FGL1: variants seen among roughly 807,000 people sequenced by gnomAD.
FGL1 encodes the protein fibrinogen-like protein 1.
A neutral mutation model predicts 43.7 loss-of-function variants in FGL1; 59 were observed. That is an observed-to-expected ratio of 1.35 (90% CI 1.10 to 1.68). The LOEUF is 1.68. Ranked by LOEUF, FGL1 falls within the 40% of genes most tolerant of loss-of-function variation. The pLI is 0.00. For missense variants in FGL1, 596 were observed against 373.0 expected (o/e 1.60, Z -4.92); for synonymous variants, 192 against 126.5 (o/e 1.52, Z -3.48).
intron 1 of FGL1, among the ~76,000 whole-genome samples, chr8:17,888,521 G>A (rs2131743563): frequency 1.3e-5 from 2 of 152,260 alleles, no homozygotes; most frequent in Middle Eastern, 3.4e-3. Context: ...ATTTCAAGTT[G>A]AAATAAGTAT....
At chr8:17,872,759 T>C (rs2053383389) in intron 5 of FGL1, among the ~76,000 whole-genome samples, 1 of 151,996 alleles carries the variant, frequency 6.6e-6, no homozygotes, top group South Asian at 2.1e-4. Context: ...CAAAAGAACA[T>C]GGGAGATAGA....
chr8:17,888,371 A>C (rs437266), intron 1 of FGL1, among the ~76,000 whole-genome samples: 101,051 of 151,916 alleles, frequency 0.67, 34,328 homozygotes, highest in Middle Eastern at 0.74. Context: ...TCTAGGTCAC[A>C]TTTATTATTG....
At chr8:17,894,475 G>A (rs2053748353) in intron 1 of FGL1, among the ~76,000 whole-genome samples, 1 of 147,036 alleles carries the variant, frequency 6.8e-6, no homozygotes, top group Non-Finnish European at 1.5e-5. Context: ...CTCACTGAAA[G>A]CCTTACAAAG....
intron 2 of FGL1, among the ~76,000 whole-genome samples, chr8:17,884,618 AT>A (rs1448438621): frequency 6.6e-6 from 1 of 152,194 alleles, no homozygotes; most frequent in Non-Finnish European, 1.5e-5. Context: ...CAGCAAGAAC[AT>A]TTTATGGTGT....
At chr8:17,864,813 C>G in intron 7 of FGL1, 62 bp from the exon 8 acceptor site, 2 of 1,300,286 alleles carry the variant, frequency 1.5e-6, no homozygotes, top group Non-Finnish European at 9.9e-7. Flanking sequence ...TGTTCAGAAT[C>G]CCTTTTATTT....
rs543262566 is a variant in FGL1, at chr8:17,875,107, A to C, written c.245-586T>G. ...GTTAACACCAAAGTTACTACAGGTT[A>C]TCCTGACTTAGAGCATGATAAATCA... On this transcript the variant is annotated intron_variant, in intron 3 of 7. Transcript: ENST00000427924. Among the ~76,000 whole-genome samples, 21 of 152,366 alleles carry C rather than the reference A, an allele frequency of 1.4e-4. No homozygotes were observed. The South Asian group carries it at 4.3e-3, about 32-fold the overall frequency.
intron 7 of FGL1, among the ~76,000 whole-genome samples, chr8:17,865,752 A>G (rs2053260989): frequency 6.6e-6 from 1 of 152,200 alleles, no homozygotes; most frequent in Non-Finnish European, 1.5e-5. Context: ...TAATGAAAAG[A>G]TGTCAGAATT....
chr8:17,864,723 A>G lies in FGL1; in HGVS notation c.808T>C (p.Tyr270His), dbSNP rs149038690. The G allele has an allele frequency of 2.1e-5, 34 of 1,590,938 alleles. No homozygotes were observed. Among genetic ancestry groups the G allele is most frequent in the East Asian group, 2.0e-4 (9 of 44,264 alleles). ...RCHSANLNGV[Y>H]YSGPYTAKTD... ...TTAGCCGTGTAGGGGCCGCTGTAGT[A>G]TACACCATTCAGGTTTGCAGAGTGA... The change falls in exon 8 of 8, where the codon TAC (tyrosine) becomes CAC (histidine). Residue 270 changes from tyrosine to histidine, a missense_variant. Coordinates refer to ENST00000427924, the MANE Select transcript of FGL1 (RefSeq NM_004467.4).
intron 5 of FGL1, among the ~76,000 whole-genome samples, chr8:17,871,761 G>C (rs909725297): frequency 3.3e-5 from 5 of 152,130 alleles, no homozygotes; most frequent in Admixed American, 2.0e-4. Flanking sequence ...GGATTGATGG[G>C]ATACGTGGGT....
chr8:17,879,371 G>T (rs1184008331), intron 3 of FGL1, among the ~76,000 whole-genome samples: 1 of 152,006 alleles, frequency 6.6e-6, no homozygotes, highest in Non-Finnish European at 1.5e-5. Flanking sequence ...ACAAGGACTG[G>T]ATCTTCAGCT....
chr8:17,883,492 A>G (rs183070942), intron 2 of FGL1, among the ~76,000 whole-genome samples: 9,150 of 129,264 alleles, frequency 0.071, 732 homozygotes, highest in African/African-American at 0.19. Context: ...TATATAATAT[A>G]TTAAATATAT....
chr8:17,883,883 C>T (rs896900690), intron 2 of FGL1, among the ~76,000 whole-genome samples: 1 of 149,268 alleles, frequency 6.7e-6, no homozygotes, highest in Non-Finnish European at 1.5e-5. Context: ...TTTCTTTCTC[C>T]TCTTTTCTTT....
At chr8:17,880,695 C>T (rs903278607) in intron 3 of FGL1, among the ~76,000 whole-genome samples, 1 of 152,170 alleles carries the variant, frequency 6.6e-6, no homozygotes, top group Non-Finnish European at 1.5e-5. Context: ...TACAATGTAG[C>T]ATGGTAGTGC....
At chr8:17,874,940 C>T (rs959730672) in intron 3 of FGL1, among the ~76,000 whole-genome samples, 3 of 82,962 alleles carry the variant, frequency 3.6e-5, no homozygotes, top group African/African-American at 4.3e-5. Flanking sequence ...TTTCTAATTT[C>T]TGAGTTTTGT....
At chr8:17,891,719 G>A (rs1470343094) in intron 1 of FGL1, 1 of 984,790 alleles carries the variant, frequency 1.0e-6, no homozygotes, top group Non-Finnish European at 1.2e-6. Context: ...ATCTGTTATT[G>A]TAATTTCACA....
chr8:17,878,511 T>C (rs1175156507), intron 3 of FGL1, among the ~76,000 whole-genome samples: 1 of 152,272 alleles, frequency 6.6e-6, no homozygotes, highest in South Asian at 2.1e-4. Context: ...GCCAGTGGTG[T>C]TGTCAAGTGA....
At chr8:17,893,350 T>C (rs924322203) in intron 1 of FGL1, among the ~76,000 whole-genome samples, 1 of 151,788 alleles carries the variant, frequency 6.6e-6, no homozygotes, top group African/African-American at 2.4e-5. Context: ...CATATAATTT[T>C]ACCTACGCAC....
rs2053239459 is a variant in FGL1 at position 17,864,512 on chromosome 8, A to G, written c.*80T>C. The G allele has an allele frequency of 1.4e-6, 2 of 1,429,512 alleles. No homozygotes were observed. The highest frequency in any genetic ancestry group is 1.4e-5 in the African/African-American group (1 of 69,432). 88.6% of individuals were successfully genotyped at this position (1,429,512 alleles called of 1,614,324 possible). A position where few individuals can be genotyped will look rare whatever the true frequency, so the allele number is the denominator to read the frequency against. On this transcript the variant is annotated 3_prime_UTR_variant, in exon 8 of 8. Coordinates refer to ENST00000427924, the MANE Select transcript of FGL1 (RefSeq NM_004467.4). ...CTCACAACAGTTATCATGATTGCGC[A>G]TGGATATGTTCAGAATGAGTATTTT...
intron 7 of FGL1, among the ~76,000 whole-genome samples, chr8:17,865,756 C>G (rs1030026644): frequency 5.3e-5 from 8 of 151,988 alleles, no homozygotes; most frequent in Non-Finnish European, 7.4e-5. Context: ...GAAAAGATGT[C>G]AGAATTAGGA....
Sources: allele counts gnomAD v4.1 joint callset (sites outside exome capture counted in the v4.1 genomes callset), GRCh38; gene constraint gnomAD v4.1.1; transcripts MANE v1.5; gene names NCBI Gene and HGNC (gene_info 2026-07-23, HGNC 2026-07-21).